Variants in IQSEC1 observed in about 807,000 individuals in gnomAD.
IQSEC1 encodes the protein IQ motif and SEC7 domain-containing protein 1.
A neutral mutation model predicts 91.0 loss-of-function variants in IQSEC1; 31 were observed. The ratio of observed to expected loss-of-function variants is 0.34; its 90% CI spans 0.26 to 0.46. The LOEUF (loss-of-function observed/expected upper bound fraction) is 0.46. Ranked by LOEUF, IQSEC1 falls within the 20% of genes least tolerant of loss-of-function variation. The pLI is 1.00. For synonymous variants in IQSEC1, 699 were observed against 662.6 expected (o/e 1.05, Z -0.84); for missense variants, 1,388 against 1,575.6 (o/e 0.88, Z 2.02).
chr3:12,974,837 C>T (rs1037649143), intron 1 of IQSEC1, among the ~76,000 whole-genome samples: 3 of 152,252 alleles, frequency 2.0e-5, no homozygotes, highest in Non-Finnish European at 2.9e-5. Context: ...AGGGAGGACA[C>T]TTATGCTGGG....
intron 2 of IQSEC1, among the ~76,000 whole-genome samples, chr3:13,127,529 A>G (rs184975074): frequency 1.8e-4 from 27 of 152,160 alleles, no homozygotes; most frequent in Admixed American, 9.8e-4. Context: ...TATTGTAGCT[A>G]TATATTAAGT....
chr3:13,041,795 C>T (rs955313641), intron 1 of IQSEC1, among the ~76,000 whole-genome samples: 1 of 152,200 alleles, frequency 6.6e-6, no homozygotes, highest in Non-Finnish European at 1.5e-5. Context: ...GAAAGTGACT[C>T]GCCCAAGATC....
upstream of IQSEC1, among the ~76,000 whole-genome samples, chr3:13,075,320 T>C (rs1395275984): frequency 1.3e-5 from 2 of 152,202 alleles, no homozygotes; most frequent in African/African-American, 4.8e-5. Context: ...CTTAGATGGG[T>C]TGCACCACAT....
At chr3:13,263,414 A>C (rs1695424860) in intron 1 of IQSEC1, among the ~76,000 whole-genome samples, 1 of 116,170 alleles carries the variant, frequency 8.6e-6, no homozygotes, top group Admixed American at 1.1e-4. Flanking sequence ...AAAGTACCTG[A>C]CACTTTTTTT....
intron 2 of IQSEC1, among the ~76,000 whole-genome samples, chr3:13,152,763 G>A (rs934203760): frequency 6.6e-6 from 1 of 152,130 alleles, no homozygotes; most frequent in South Asian, 2.1e-4. Context: ...TCAGCTACTC[G>A]GGAGGCTGAG....
intron 1 of IQSEC1, among the ~76,000 whole-genome samples, chr3:13,183,041 G>A (rs1395109944): frequency 6.6e-6 from 1 of 152,070 alleles, no homozygotes; most frequent in Non-Finnish European, 1.5e-5. Context: ...GCATGCACCT[G>A]TAGTCCCAGC....
intron 1 of IQSEC1, among the ~76,000 whole-genome samples, chr3:13,019,902 C>A (rs1703324921): frequency 6.6e-6 from 1 of 152,196 alleles, no homozygotes; most frequent in Non-Finnish European, 1.5e-5. Context: ...GGTGGCCGTG[C>A]CATTCAATGA....
At chr3:12,982,523 C>T (rs974341462) in intron 1 of IQSEC1, among the ~76,000 whole-genome samples, 6 of 152,246 alleles carry the variant, frequency 3.9e-5, no homozygotes, top group African/African-American at 7.2e-5. Context: ...CCCTGGACCA[C>T]ACTTTGAGAA....
intron 1 of IQSEC1, among the ~76,000 whole-genome samples, chr3:13,251,459 A>C (rs1207544075): frequency 6.6e-6 from 1 of 152,242 alleles, no homozygotes; most frequent in Non-Finnish European, 1.5e-5. Flanking sequence ...TATTGAATAA[A>C]TAAATGAATA....
intron 1 of IQSEC1, among the ~76,000 whole-genome samples, chr3:13,034,747 C>A (rs1393108298): frequency 6.6e-6 from 1 of 152,260 alleles, no homozygotes; most frequent in Non-Finnish European, 1.5e-5. Context: ...CAAGGCCCTG[C>A]CAGTTTGGTC....
chr3:13,165,685 C>G (rs1693482194), intron 1 of IQSEC1, among the ~76,000 whole-genome samples: 1 of 151,760 alleles, frequency 6.6e-6, no homozygotes, highest in Non-Finnish European at 1.5e-5. Flanking sequence ...GTGGTGAGGA[C>G]CTGAGCCCCC....
intron 1 of IQSEC1, among the ~76,000 whole-genome samples, chr3:12,986,357 T>G (rs1701734258): frequency 1.3e-5 from 2 of 152,096 alleles, no homozygotes; most frequent in African/African-American, 4.8e-5. Flanking sequence ...CAACTGAGAG[T>G]TCCCCGGGGG....
At chr3:12,914,087 C>T (rs1364587909) in intron 8 of IQSEC1, among the ~76,000 whole-genome samples, 3 of 152,244 alleles carry the variant, frequency 2.0e-5, no homozygotes, top group Admixed American at 6.5e-5. Context: ...AACCAAGCCT[C>T]CCCATAAAAG....
At chr3:12,902,988 G>T (rs1339381430) in intron 12 of IQSEC1, among the ~76,000 whole-genome samples, 166 bp from the exon 13 acceptor site, 2 of 151,714 alleles carry the variant, frequency 1.3e-5, no homozygotes, top group African/African-American at 2.4e-5. Flanking sequence ...CGGAGGAGGG[G>T]CTCAGTGGGG....
chr3:12,925,376 A>T (rs1697028444), intron 3 of IQSEC1, among the ~76,000 whole-genome samples: 1 of 152,234 alleles, frequency 6.6e-6, no homozygotes, highest in African/African-American at 2.4e-5. Context: ...CCAGGAGGTC[A>T]GCACTCTGGT....
chr3:13,122,137 C>G (rs567196), intron 2 of IQSEC1, among the ~76,000 whole-genome samples: 136,232 of 152,316 alleles, frequency 0.89, 61,126 homozygotes, highest in African/African-American at 0.96. Flanking sequence ...AGGGGCCGGG[C>G]CCGAGTGTAA....
chr3:12,900,631 G>C lies in IQSEC1; in HGVS notation c.*352C>G, dbSNP rs1393225773. On this transcript the variant is annotated 3_prime_UTR_variant, in exon 14 of 14. Coordinates refer to ENST00000613206, the MANE Select transcript of IQSEC1 (RefSeq NM_001134382.3). ...TCTCATTTCTTCGTTTTCTAGGTTGGGTTTTCATATGCATGTACATTAGGG... is the reference window on the plus strand; with the variant it reads ...TCTCATTTCTTCGTTTTCTAGGTTGCGTTTTCATATGCATGTACATTAGGG... 4 of 1,105,354 alleles carry C rather than the reference G, an allele frequency of 3.6e-6. No individual in the cohort carries two copies. The highest frequency in any genetic ancestry group is 5.6e-5 in the East Asian group (1 of 17,714). The allele number at this position is 1,105,354 out of a possible 1,614,324, so 68.5% of individuals were successfully genotyped here.
chr3:12,981,390 GC>G (rs998495713), intron 1 of IQSEC1, among the ~76,000 whole-genome samples: 2 of 152,116 alleles, frequency 1.3e-5, no homozygotes, highest in African/African-American at 4.8e-5. Flanking sequence ...TTGTTTCTAG[GC>G]ATTTGCTTAT....
In IQSEC1 at chr3:12,922,692, C is replaced by T. The variant is rs980028995; in HGVS notation, c.1731-450G>A. Among the ~76,000 whole-genome samples, 33 of 152,244 alleles carry T rather than the reference C, an allele frequency of 2.2e-4. No individual in the cohort carries two copies. Among genetic ancestry groups the T allele is most frequent in the Middle Eastern group, 6.8e-3 (2 of 294 alleles). ...TGTTGACTTTCAGAATAAGCCTGTT[C>T]TCTTGTGGGGAGAGTATCGGGGTGG... On this transcript the variant is annotated intron_variant, in intron 4 of 13. Transcript: ENST00000613206. The surrounding 1 kb of genome is among the most constrained non-coding windows in gnomAD (Gnocchi z 5.1).
Sources: allele counts gnomAD v4.1 joint callset (sites outside exome capture counted in the v4.1 genomes callset), GRCh38; gene constraint gnomAD v4.1.1; non-coding constraint Gnocchi (gnomAD v3.1); transcripts MANE v1.5; gene names NCBI Gene and HGNC (gene_info 2026-07-23, HGNC 2026-07-21).